FBXW9: variants seen among roughly 807,000 people sequenced by gnomAD.
FBXW9 encodes the protein F-box and WD repeat domain containing 9.
A neutral mutation model predicts 55.8 loss-of-function variants in FBXW9; 38 were observed. The observed-to-expected ratio is 0.68, with a 90% CI of 0.53 to 0.89. The LOEUF (loss-of-function observed/expected upper bound fraction) is 0.89. Ranked by LOEUF, FBXW9 falls within the 40% of genes least tolerant of loss-of-function variation. The pLI is 0.00. For missense variants in FBXW9, 590 were observed against 619.4 expected (o/e 0.95, Z 0.50); for synonymous variants, 289 against 278.2 (o/e 1.04, Z -0.38).
Position 12,689,509 on chromosome 19 carries a change from G to C in FBXW9, c.1236+32C>G, listed in dbSNP as rs761709954. On this transcript the variant is annotated intron_variant, in intron 8 of 9. Coordinates refer to ENST00000393261, the MANE Select transcript of FBXW9 (RefSeq NM_032301.3). The surrounding 1 kb of genome is among the most constrained non-coding windows in gnomAD (Gnocchi z 5.9). Reference sequence around the variant, plus strand: ...TGGAGGTAGGGGAGAGGCAGGGACTGTCCTGGGGTGGGGGCTGGGCAGGAG... The same window carrying C: ...TGGAGGTAGGGGAGAGGCAGGGACTCTCCTGGGGTGGGGGCTGGGCAGGAG... The C allele has an allele frequency of 3.7e-6, 6 of 1,613,094 alleles. No individual in the cohort carries two copies. The highest frequency in any genetic ancestry group is 5.1e-6 in the Non-Finnish European group (6 of 1,179,060).
At chr19:12,691,060 T>G in intron 5 of FBXW9, 106 bp downstream of exon 5, 44 of 970,578 alleles carry the variant, frequency 4.5e-5, no homozygotes, top group Non-Finnish European at 6.6e-5. Flanking sequence ...CTCTGAGTGG[T>G]GAGTATTTGG....
At position 12,696,371 on chromosome 19, in the gene FBXW9, C is replaced by T. The variant is rs761257668; in HGVS notation, c.211G>A (p.Val71Ile). The part of the protein sequence containing the change: ...SASEPRAASR[V>I]SAVSEPGLLS... The stretch of plus-strand genomic sequence containing the variant: ...AGGCCCGGCTCACTTACGGCCGAAA[C>T]CCTGGACGCGGCCCGAGGCTCCGAA... The change falls in exon 1 of 10, where the codon GTT becomes ATT. Residue 71 changes from valine to isoleucine, a missense_variant. Physicochemically the swap from Val to Ile is conservative, Grantham distance 29 (BLOSUM62 3). Coordinates refer to ENST00000393261, the MANE Select transcript of FBXW9 (RefSeq NM_032301.3). 8.7e-6 allele frequency: 14 copies of T among 1,609,608 alleles called. No homozygotes were observed. The highest frequency in any genetic ancestry group is 2.2e-5 in the East Asian group (1 of 44,792).
rs1568327257 is a variant in FBXW9, at chr19:12,696,230, C to CA, written c.351dup (p.Val118CysfsTer24). The CA allele has an allele frequency of 6.4e-7, 1 of 1,561,370 alleles. No individual in the cohort carries two copies. The highest frequency in any genetic ancestry group is 8.7e-7 in the Non-Finnish European group (1 of 1,153,786). On this transcript the variant is annotated frameshift_variant, in exon 1 of 10. Coordinates refer to ENST00000393261, the MANE Select transcript of FBXW9 (RefSeq NM_032301.3). LOFTEE classifies it high-confidence loss of function. ...CGTAGCGCGCGTAGCCTCCAGGTGA[C>CA]ATGGTCAGACACGAGGTCGCGGAGC... is the stretch of plus-strand genomic sequence containing the variant.
In FBXW9 at chr19:12,689,544, G is replaced by A. The variant is rs2024973392; in HGVS notation, c.1233C>T (p.Ile411=). The A allele has an allele frequency of 1.9e-6, 3 of 1,614,102 alleles. No individual in the cohort carries two copies. Among genetic ancestry groups the A allele is most frequent in the Non-Finnish European group, 1.7e-6 (2 of 1,179,972 alleles). Residue 411 remains isoleucine (I), a synonymous_variant, in exon 8 of 10, where the codon ATC becomes ATT. Transcript: ENST00000393261. This position sits in a 1 kb window ranked among gnomAD's most constrained non-coding sequence, Gnocchi z 5.9. The part of the protein sequence containing the change: ...ALYTTSTDKT[I]RVHVPTDPPR... ...GGGGGCTGGGCAGGAGCCTCACCCG[G>A]ATGGTCTTGTCAGTGGATGTGGTGT... is the stretch of plus-strand genomic sequence containing the variant.
At chr19:12,693,578 AC>A (rs1461164353) in intron 3 of FBXW9, among the ~76,000 whole-genome samples, 3 of 105,160 alleles carry the variant, frequency 2.9e-5, no homozygotes, top group African/African-American at 2.3e-4. Context: ...ACACACACAC[AC>A]ACACACACAC....
In FBXW9 at chr19:12,691,149, C is replaced by T; in HGVS notation, c.883+17G>A. The T allele has an allele frequency of 3.1e-6, 5 of 1,609,358 alleles. No homozygotes were observed. Among genetic ancestry groups the T allele is most frequent in the South Asian group, 1.1e-5 (1 of 90,938 alleles). On this transcript the variant is annotated intron_variant, in intron 5 of 9. Coordinates refer to ENST00000393261, the MANE Select transcript of FBXW9 (RefSeq NM_032301.3). Reference sequence around the variant, plus strand: ...ACATGACATCTCCCAACCTGGGCCCCAGGACCCTTGGCCCACCTCTGGGGT... The same window carrying T: ...ACATGACATCTCCCAACCTGGGCCCTAGGACCCTTGGCCCACCTCTGGGGT...
intron 5 of FBXW9, among the ~76,000 whole-genome samples, chr19:12,690,946 T>G (rs2024999106): frequency 1.3e-5 from 2 of 152,202 alleles, no homozygotes; most frequent in African/African-American, 4.8e-5. Context: ...GTCACACAGC[T>G]AGGCAGTGGG....
rs1315362120 is a variant in FBXW9 at position 12,694,858 on chromosome 19, C to T, written c.490G>A (p.Glu164Lys). Residue 164 changes from glutamate to lysine, a missense_variant, in exon 2 of 10, where the codon GAA (glutamate) becomes AAA (lysine). Coordinates refer to ENST00000393261, the MANE Select transcript of FBXW9 (RefSeq NM_032301.3). ...TGGCCTTCGGCCAGGCAGAAGTATT[C>T]GACCCAGCGCCCATCCTCTGCCCAG... ...SRWAEDGRWVEYFCLAEGHVA... is the reference protein window; with the variant it reads ...SRWAEDGRWVKYFCLAEGHVA... 3.7e-6 allele frequency: 6 copies of T among 1,614,084 alleles called. No homozygotes were observed. The highest frequency in any genetic ancestry group is 1.1e-5 in the South Asian group (1 of 91,088).
Position 12,694,574 on chromosome 19 carries a change from A to G in FBXW9, c.678+20T>C. On this transcript the variant is annotated intron_variant, in intron 3 of 9. Coordinates refer to ENST00000393261, the MANE Select transcript of FBXW9 (RefSeq NM_032301.3). ...GCCCTACTCAGGCCTCATACCTCCT[A>G]TCCCCACCTGACTCCTCACCTCATG... The G allele has an allele frequency of 1.9e-6, 3 of 1,611,566 alleles. No homozygotes were observed. Among genetic ancestry groups the G allele is most frequent in the Non-Finnish European group, 1.7e-6 (2 of 1,177,978 alleles).
chr19:12,693,607 C>CAA (rs1568326404), intron 3 of FBXW9, among the ~76,000 whole-genome samples: 1 of 75,754 alleles, frequency 1.3e-5, no homozygotes, highest in South Asian at 3.8e-4. Flanking sequence ...CACACACACA[C>CAA]AAAAGAAATT....
intron 3 of FBXW9, among the ~76,000 whole-genome samples, chr19:12,693,782 T>C (rs965493109): frequency 6.8e-6 from 1 of 146,124 alleles, no homozygotes; most frequent in Non-Finnish European, 1.5e-5. Flanking sequence ...TCCCAGTTAC[T>C]TGGGAGGCTG....
chr19:12,690,041 C>T lies in FBXW9; in HGVS notation c.953G>A (p.Arg318Gln), dbSNP rs372845097. ...GTCCTCGCTGCCTGAGATGATGTGC[C>T]GGTCATCCGCCAGCAGGGTCAGCAC... ...RPVLTLLADDRHIISGSEDHT... is the reference protein window; with the variant it reads ...RPVLTLLADDQHIISGSEDHT... The change falls in exon 6 of 10, where the codon CGG (arginine) becomes CAG (glutamine). Residue 318 changes from arginine (R) to glutamine (Q), a missense_variant. Physicochemically the swap from Arg to Gln is conservative, Grantham distance 43. Transcript: ENST00000393261. 6.2e-6 allele frequency: 10 copies of T among 1,613,934 alleles called. No homozygotes were observed. The highest frequency in any genetic ancestry group is 3.3e-5 in the South Asian group (3 of 91,080).
rs1229409752 is a variant in FBXW9, at chr19:12,693,582, ACACACACACACACACACACACAC to A, written c.678+989_678+1011del. ...TATATACACACACACACACACACAC[ACACACACACACACACACACACAC>A]ACAAAAGAAATTAGCTGGGCATGGT... is the stretch of plus-strand genomic sequence containing the variant. On this transcript the variant is annotated intron_variant, in intron 3 of 9. Coordinates refer to ENST00000393261, the MANE Select transcript of FBXW9 (RefSeq NM_032301.3). Among the ~76,000 whole-genome samples, 739 of 113,420 alleles carry A rather than the reference ACACACACACACACACACACACAC, an allele frequency of 6.5e-3. 72 individuals are homozygous for A. Among genetic ancestry groups the A allele is most frequent in the African/African-American group, 0.019 (345 of 18,132 alleles). The allele number at this position is 113,420 out of a possible 152,430, so 74.4% of individuals were successfully genotyped here.
chr19:12,692,499 T>C (rs2025021596), intron 3 of FBXW9, among the ~76,000 whole-genome samples: 2 of 150,752 alleles, frequency 1.3e-5, no homozygotes, highest in Admixed American at 1.3e-4. Context: ...GTGCTGGGAT[T>C]ACAGGCGTGA....
At chr19:12,693,528 AAAT>A (rs2025032864) in intron 3 of FBXW9, among the ~76,000 whole-genome samples, 1 of 14,064 alleles carries the variant, frequency 7.1e-5, no homozygotes, top group Non-Finnish European at 1.5e-4. Flanking sequence ...AAAAAAAAAA[AAAT>A]ATATATATAT....
Position 12,694,878 on chromosome 19 carries a change from G to A in FBXW9, c.470C>T (p.Ala157Val). The A allele has an allele frequency of 1.9e-6, 3 of 1,614,056 alleles. No homozygotes were observed. Among genetic ancestry groups the A allele is most frequent in the Non-Finnish European group, 2.5e-6 (3 of 1,180,042 alleles). The change falls in exon 2 of 10, where the codon GCA becomes GTA. Residue 157 changes from alanine to valine, a missense_variant. By Grantham distance (64) the Ala-to-Val change is moderately conservative. Transcript: ENST00000393261. The part of the protein sequence containing the change: ...IALEQHLSRW[A>V]EDGRWVEYFC... ...GTATTCGACCCAGCGCCCATCCTCTGCCCAGCGGGACAGGTGCTGCTCCAG... is the reference window on the plus strand; with the variant it reads ...GTATTCGACCCAGCGCCCATCCTCTACCCAGCGGGACAGGTGCTGCTCCAG...
At chr19:12,693,371 G>A (rs2025028620) in intron 3 of FBXW9, among the ~76,000 whole-genome samples, 1 of 151,256 alleles carries the variant, frequency 6.6e-6, no homozygotes, top group Admixed American at 6.6e-5. Context: ...GTCAAAGCCT[G>A]AGCTTGGCTG....
chr19:12,693,501 GAAAAAAAAAA>G (rs1214446276), intron 3 of FBXW9, among the ~76,000 whole-genome samples: 33 of 2,128 alleles, frequency 0.016, 2 homozygotes, highest in Admixed American at 0.045. Context: ...TCTACTAAAG[GAAAAAAAAAA>G]AAAAAAAAAA....
intron 1 of FBXW9, 110 bp downstream of exon 1, chr19:12,696,063 G>A (rs2025065713): frequency 8.9e-7 from 1 of 1,126,072 alleles, no homozygotes; most frequent in South Asian, 1.6e-5. Context: ...CAGCCACGAA[G>A]CCTGCACCAG....
Sources: allele counts gnomAD v4.1 joint callset (sites outside exome capture counted in the v4.1 genomes callset), GRCh38; gene constraint gnomAD v4.1.1; non-coding constraint Gnocchi (gnomAD v3.1); transcripts MANE v1.5; gene names NCBI Gene and HGNC (gene_info 2026-07-23, HGNC 2026-07-21).